Variants in NAV1 observed in about 807,000 individuals in gnomAD.
NAV1 encodes the protein neuron navigator 1, also known as pore membrane and/or filament interacting like protein 3.
A neutral mutation model predicts 175.2 loss-of-function variants in NAV1; 18 were observed. The ratio of observed to expected loss-of-function variants is 0.10; its 90% CI spans 0.07 to 0.15. The LOEUF is 0.15. NAV1 is among the 10% of genes least tolerant of loss of function. The probability of loss-of-function intolerance (pLI) is 1.00; values close to 1 mark genes in which losing one functional copy is unlikely to be tolerated. For missense variants in NAV1, 1,731 were observed against 2,436.6 expected, an observed-to-expected ratio of 0.71 and a Z score of 6.10; for synonymous variants, 897 against 978.7, an observed-to-expected ratio of 0.92 and a Z score of 1.56.
At chr1:201,599,035 T>G (rs543397175) in intron 2 of NAV1, among the ~76,000 whole-genome samples, 3 of 152,318 alleles carry the variant, frequency 2.0e-5, no homozygotes, top group African/African-American at 7.2e-5. Flanking sequence ...GGACTTTTGT[T>G]GGCCCCACTT....
intron 1 of NAV1, among the ~76,000 whole-genome samples, chr1:201,585,899 G>A (rs1667013848): frequency 1.3e-5 from 2 of 152,184 alleles, no homozygotes; most frequent in African/African-American, 2.4e-5. Flanking sequence ...GCTATAGAAA[G>A]CAGTATGACA....
chr1:201,800,789 G>T (rs1172931157), intron 15 of NAV1, among the ~76,000 whole-genome samples: 3 of 132,298 alleles, frequency 2.3e-5, no homozygotes, highest in East Asian at 4.7e-4. Flanking sequence ...CACAAATAAA[G>T]ATTTTTTTTA....
At chr1:201,730,618 A>G (rs1412767369) in intron 3 of NAV1, among the ~76,000 whole-genome samples, 1 of 152,188 alleles carries the variant, frequency 6.6e-6, no homozygotes, top group Non-Finnish European at 1.5e-5. Flanking sequence ...TGACCAATGA[A>G]TCATTGTTAG....
intron 6 of NAV1, 103 bp from the exon 11 acceptor site, chr1:201,783,303 C>A: frequency 1.7e-6 from 2 of 1,203,474 alleles, no homozygotes; most frequent in Non-Finnish European, 2.4e-6. Flanking sequence ...CTGTGCTTAG[C>A]AAATAGGCAG....
intron 1 of NAV1, among the ~76,000 whole-genome samples, chr1:201,708,115 C>G (rs1440074954): frequency 6.6e-6 from 1 of 152,124 alleles, no homozygotes; most frequent in African/African-American, 2.4e-5. Context: ...GGACAGTATG[C>G]TCTCTCTGTG....
intron 11 of NAV1, among the ~76,000 whole-genome samples, chr1:201,790,230 GT>G (rs1677024083): frequency 6.6e-6 from 1 of 152,184 alleles, no homozygotes; most frequent in Non-Finnish European, 1.5e-5. Flanking sequence ...TTGTAGATTT[GT>G]TTTGCTCCTA....
At chr1:201,567,804 G>A (rs1305189613) in intron 1 of NAV1, among the ~76,000 whole-genome samples, 2 of 152,132 alleles carry the variant, frequency 1.3e-5, no homozygotes, top group Non-Finnish European at 2.9e-5. Flanking sequence ...CCCCAGTTGT[G>A]TCGGTACCCA....
chr1:201,573,184 C>T (rs7518780), intron 1 of NAV1, among the ~76,000 whole-genome samples: 4 of 152,130 alleles, frequency 2.6e-5, no homozygotes, highest in African/African-American at 9.7e-5. Context: ...GGCCAGACAC[C>T]CTGACTGATT....
chr1:201,690,770 GT>G (rs1670896440), intron 1 of NAV1, among the ~76,000 whole-genome samples: 1 of 151,312 alleles, frequency 6.6e-6, no homozygotes, highest in South Asian at 2.1e-4. Flanking sequence ...GTGGCAGTGT[GT>G]GTGTCTGTTT....
rs61404613 is a variant in NAV1, at chr1:201,800,817, C to CTTTT, written c.3518-2755_3518-2752dup. ...TTTTTTTAACTTCAACTTGGTGTAT[C>CTTTT]TTTTTTTTTTTTTTTTTTTTTTTTA... is the stretch of plus-strand genomic sequence containing the variant. On this transcript the variant is annotated intron_variant, in intron 15 of 29. Coordinates refer to ENST00000367296, the Ensembl canonical transcript of NAV1. 4.9e-3 allele frequency among the ~76,000 whole-genome samples: 444 copies of CTTTT among 90,760 alleles called. 17 individuals are homozygous for CTTTT. The highest frequency in any genetic ancestry group is 8.2e-3 in the Middle Eastern group (1 of 122). The allele number at this position is 90,760 out of a possible 152,430, so 59.5% of individuals were successfully genotyped here. A position where few individuals can be genotyped will look rare whatever the true frequency, so the allele number is the denominator to read the frequency against.
intron 1 of NAV1, among the ~76,000 whole-genome samples, chr1:201,563,287 A>T (rs996352240): frequency 6.6e-6 from 1 of 151,802 alleles, no homozygotes; most frequent in African/African-American, 2.4e-5. Flanking sequence ...GGACGCCGGG[A>T]CCCAGCCTGG....
chr1:201,770,829 G>C (rs1675525929), intron 3 of NAV1, among the ~76,000 whole-genome samples: 2 of 152,180 alleles, frequency 1.3e-5, no homozygotes, highest in African/African-American at 4.8e-5. Context: ...GTGGCAGCAA[G>C]CTGATGGCTA....
At chr1:201,607,321 G>A (rs1667714011) in intron 2 of NAV1, among the ~76,000 whole-genome samples, 1 of 151,706 alleles carries the variant, frequency 6.6e-6, no homozygotes, top group Non-Finnish European at 1.5e-5. Flanking sequence ...CACCATGTTG[G>A]CCAGGCTGGT....
Position 201,710,913 on chromosome 1 carries a change from C to T in NAV1, c.758-1904C>T, listed in dbSNP as rs146554752. ...TACACACCCCTTGGAGATGTGTGTGCCTGTCCCTCATGTCTGCCAAGCCCA... is the reference window on the plus strand; with the variant it reads ...TACACACCCCTTGGAGATGTGTGTGTCTGTCCCTCATGTCTGCCAAGCCCA... On this transcript the variant is annotated intron_variant, in intron 1 of 29. Coordinates refer to ENST00000367296, the Ensembl canonical transcript of NAV1. Among the ~76,000 whole-genome samples the T allele has an allele frequency of 7.2e-3, 1,097 of 152,308 alleles. 4 individuals are homozygous for T. The highest frequency in any genetic ancestry group is 0.01 in the Non-Finnish European group (691 of 68,032).
chr1:201,751,659 A>T (rs142158332), intron 3 of NAV1, among the ~76,000 whole-genome samples: 1 of 152,336 alleles, frequency 6.6e-6, no homozygotes, highest in Non-Finnish European at 1.5e-5. Context: ...GTAAAAACTG[A>T]GTAGAACATC....
intron 1 of NAV1, among the ~76,000 whole-genome samples, chr1:201,706,878 T>C (rs1671691959): frequency 1.3e-5 from 2 of 152,216 alleles, no homozygotes; most frequent in African/African-American, 4.8e-5. Flanking sequence ...TGCCGGGTGA[T>C]GGATTCCCAT....
chr1:201,627,525 G>A lies in NAV1; in HGVS notation c.-100-1879G>A, dbSNP rs543040909. On this transcript the variant is annotated intron_variant, in intron 1 of 29. Transcript: ENST00000367302. The stretch of plus-strand genomic sequence containing the variant: ...TGACTTCAAGTGATCCATCCGCCCC[G>A]GCCCCCCCACCCTAAGTACTGGGAT... 1.2e-3 allele frequency among the ~76,000 whole-genome samples: 117 copies of A among 95,492 alleles called. 1 individual carries two copies. Among genetic ancestry groups the A allele is most frequent in the Middle Eastern group, 8.2e-3 (1 of 122 alleles). 62.6% of individuals were successfully genotyped at this position (95,492 alleles called of 152,430 possible).
At chr1:201,781,814 T>A (rs933709995) in intron 5 of NAV1, among the ~76,000 whole-genome samples, 2 of 152,222 alleles carry the variant, frequency 1.3e-5, no homozygotes, top group Non-Finnish European at 2.9e-5. Flanking sequence ...CTCTAATTAC[T>A]AAGAGATATT....
chr1:201,661,000 G>A (rs1048386291), intron 1 of NAV1, among the ~76,000 whole-genome samples: 2 of 152,172 alleles, frequency 1.3e-5, no homozygotes, highest in African/African-American at 4.8e-5. Flanking sequence ...TTGTTGACTT[G>A]TTGACACTGT....
Sources: allele counts gnomAD v4.1 joint callset (sites outside exome capture counted in the v4.1 genomes callset), GRCh38; gene constraint gnomAD v4.1.1; transcripts MANE v1.5; gene names NCBI Gene and HGNC (gene_info 2026-07-23, HGNC 2026-07-21).